BSN: variants seen among roughly 807,000 people sequenced by gnomAD.
BSN encodes protein bassoon.
BSN carries 57 observed loss-of-function variants against 264.8 expected under a neutral mutation model. That is an observed-to-expected ratio of 0.22 (90% CI 0.17 to 0.27). The LOEUF (loss-of-function observed/expected upper bound fraction) is 0.27. Among genes scored for constraint, BSN ranks in the 10% least tolerant of loss-of-function variants. The pLI is 1.00. For synonymous variants in BSN, 2,059 were observed against 2,137.3 expected, an observed-to-expected ratio of 0.96 and a Z score of 1.01; for missense variants, 4,615 against 5,232.5, an observed-to-expected ratio of 0.88 and a Z score of 3.64.
chr3:49,617,283 T>TTATATATATATATATATA (rs6147817), intron 1 of BSN, among the ~76,000 whole-genome samples: 39 of 122,030 alleles, frequency 3.2e-4, no homozygotes, highest in Non-Finnish European at 4.9e-4. Flanking sequence ...ATAAAATACA[T>TTATATATATATATATATA]TATATATATA....
intron 1 of BSN, among the ~76,000 whole-genome samples, chr3:49,613,303 C>CGAGAGCGAGAGCGAGAGAGAGA (rs2052223682): frequency 2.1e-5 from 1 of 47,332 alleles, no homozygotes; most frequent in Non-Finnish European, 4.0e-5. Flanking sequence ...ACACACAGAG[C>CGAGAGCGAGAGCGAGAGAGAGA]GAGAGAGAGA....
At chr3:49,610,360 A>G (rs1380518512) in intron 1 of BSN, among the ~76,000 whole-genome samples, 1 of 152,100 alleles carries the variant, frequency 6.6e-6, no homozygotes, top group Non-Finnish European at 1.5e-5. Flanking sequence ...AGGCGGGTGG[A>G]TCACCTGAGA....
chr3:49,588,399 C>T (rs1207590628), intron 1 of BSN, among the ~76,000 whole-genome samples: 1 of 152,146 alleles, frequency 6.6e-6, no homozygotes, highest in African/African-American at 2.4e-5. Context: ...CAGTATGACA[C>T]TAGCTGTAGG....
Position 49,655,546 on chromosome 3 carries a change from A to G in BSN, c.5990A>G (p.His1997Arg). 1 of 1,613,056 alleles carries G rather than the reference A, an allele frequency of 6.2e-7. No individual in the cohort carries two copies. Among genetic ancestry groups the G allele is most frequent in the South Asian group, 1.1e-5 (1 of 91,064 alleles). ...TTGGCTGAGGCTGGCCTCAACTACC[A>G]TGCCCAGAGGATCGGGCAGCTCTTC... ...TNLAEAGLNY[H>R]AQRIGQLFQG... The change falls in exon 5 of 12, where the codon CAT (histidine) becomes CGT (arginine). Residue 1997 changes from histidine to arginine, a missense_variant. Around this residue, in one of 3 missense-constraint regions of BSN, gnomAD observed 3,415 missense variants for 3,866.4 expected, o/e 0.88. Transcript: ENST00000296452.
chr3:49,651,171 C>A lies in BSN; in HGVS notation c.1986+92C>A. 1 of 1,299,478 alleles carries A rather than the reference C, an allele frequency of 7.7e-7. No individual in the cohort carries two copies. The highest frequency in any genetic ancestry group is 1.0e-6 in the Non-Finnish European group (1 of 962,140). The allele number at this position is 1,299,478 out of a possible 1,614,324, so 80.5% of individuals were successfully genotyped here. A position where few individuals can be genotyped will look rare whatever the true frequency, so the allele number is the denominator to read the frequency against. ...CCCTGGGTGGCTGAGGCTGTAGGCTCAGGACAGGTGCCTTGGGGCCACACA... is the reference window on the plus strand; with the variant it reads ...CCCTGGGTGGCTGAGGCTGTAGGCTAAGGACAGGTGCCTTGGGGCCACACA... On this transcript the variant is annotated intron_variant, in intron 4 of 11. Coordinates refer to ENST00000296452, the MANE Select transcript of BSN (RefSeq NM_003458.4). The surrounding 1 kb of genome is among the most constrained non-coding windows in gnomAD (Gnocchi z 5.4).
At chr3:49,659,123 C>T (rs1002093350) in intron 5 of BSN, among the ~76,000 whole-genome samples, 2 of 152,132 alleles carry the variant, frequency 1.3e-5, no homozygotes, top group Non-Finnish European at 2.9e-5. Context: ...TGCCCATTTT[C>T]AGGGTGTGAC....
chr3:49,588,035 C>T (rs1468202854), intron 1 of BSN, among the ~76,000 whole-genome samples: 1 of 151,756 alleles, frequency 6.6e-6, no homozygotes, highest in Non-Finnish European at 1.5e-5. Flanking sequence ...GATTCTTCTG[C>T]CTCAGCCTCC....
rs918717793 is a variant in BSN, at chr3:49,667,695, A to G, written c.*210A>G. ...TTTTCTCACAGCAGCTGCCTGGGTG[A>G]AGCATCTGCTGGACAAGTCGGACCA... On this transcript the variant is annotated 3_prime_UTR_variant, in exon 12 of 12. Transcript: ENST00000296452. 1 of 152,638 alleles carries G rather than the reference A, an allele frequency of 6.6e-6. No individual in the cohort carries two copies. The highest frequency in any genetic ancestry group is 1.5e-5 in the Non-Finnish European group (1 of 68,058). 9.5% of individuals were successfully genotyped at this position (152,638 alleles called of 1,614,324 possible).
rs765036112 is a variant in BSN at position 49,655,308 on chromosome 3, C to T, written c.5752C>T (p.His1918Tyr). ...PFGSSCTGTF[H>Y]PAPSVPEKSM... ...TGGCAGCAGCTGCACTGGCACCTTC[C>T]ACCCGGCCCCCAGTGTGCCTGAGAA... Residue 1918 changes from histidine to tyrosine, a missense_variant, in exon 5 of 12, where the codon CAC becomes TAC. Coordinates refer to ENST00000296452, the MANE Select transcript of BSN (RefSeq NM_003458.4). 4.4e-5 allele frequency: 71 copies of T among 1,611,376 alleles called. No individual in the cohort carries two copies. The highest frequency in any genetic ancestry group is 5.9e-5 in the Non-Finnish European group (70 of 1,179,184).
At chr3:49,607,571 C>T in intron 1 of BSN, among the ~76,000 whole-genome samples, 1 of 152,312 alleles carries the variant, frequency 6.6e-6, no homozygotes, top group African/African-American at 2.4e-5. Context: ...CGTGTGAGCA[C>T]ACACTACACA....
intron 2 of BSN, among the ~76,000 whole-genome samples, chr3:49,635,986 A>T (rs2052417349): frequency 2.0e-5 from 3 of 152,152 alleles, no homozygotes; most frequent in Middle Eastern, 3.4e-3. Context: ...AAAAAAAAAA[A>T]GTACATCGCT....
chr3:49,657,770 T>G lies in BSN; in HGVS notation c.8214T>G (p.Thr2738=). The G allele has an allele frequency of 6.4e-7, 1 of 1,554,628 alleles. No homozygotes were observed. The highest frequency in any genetic ancestry group is 8.7e-7 in the Non-Finnish European group (1 of 1,148,500). Residue 2738 remains threonine (T), a synonymous_variant, in exon 5 of 12, where the codon ACT becomes ACG. Coordinates refer to ENST00000296452, the MANE Select transcript of BSN (RefSeq NM_003458.4). ...CCGGGCCGCAGCTTGTAGGGCCAAC[T>G]GCCATCAGCCCCTACCTGCCTGGCA... ...GVAGPQLVGP[T]AISPYLPGIQ... is the part of the protein sequence containing the mutation.
At position 49,655,450 on chromosome 3, in the gene BSN, C is replaced by T; in HGVS notation, c.5894C>T (p.Pro1965Leu). 1 of 1,574,264 alleles carries T rather than the reference C, an allele frequency of 6.4e-7. No individual in the cohort carries two copies. Among genetic ancestry groups the T allele is most frequent in the South Asian group, 1.2e-5 (1 of 84,568 alleles). The change falls in exon 5 of 12, where the codon CCC becomes CTC. Residue 1965 changes from proline (P) to leucine (L), a missense_variant. Around this residue, in one of 3 missense-constraint regions of BSN, gnomAD observed 3,415 missense variants for 3,866.4 expected, o/e 0.88. Transcript: ENST00000296452. ...YRAQGVVGPG[P>L]HEEQRPYPQG... ...GCACAGGGGGTGGTGGGGCCTGGGC[C>T]CCATGAGGAGCAGAGGCCCTACCCA... is the stretch of plus-strand genomic sequence containing the variant.
intron 1 of BSN, among the ~76,000 whole-genome samples, chr3:49,617,613 C>T (rs1245569417): frequency 6.6e-6 from 1 of 152,132 alleles, no homozygotes; most frequent in Non-Finnish European, 1.5e-5. Flanking sequence ...TCTTTTTCCT[C>T]ATTCCCTTCT....
At chr3:49,575,426 A>ATATATATGTAAATATATATGTGTG (rs2051836638) in intron 1 of BSN, among the ~76,000 whole-genome samples, 2 of 147,294 alleles carry the variant, frequency 1.4e-5, no homozygotes, top group African/African-American at 4.9e-5. Flanking sequence ...ATATATGTGT[A>ATATATATGTAAATATATATGTGTG]TATATATGTA....
intron 1 of BSN, among the ~76,000 whole-genome samples, chr3:49,555,625 G>C (rs899906194): frequency 2.0e-5 from 3 of 152,184 alleles, no homozygotes; most frequent in Non-Finnish European, 4.4e-5. Flanking sequence ...TGCCAACCCA[G>C]GTCCTGCAAA....
At position 49,625,712 on chromosome 3, in the gene BSN, T is replaced by G. The variant is rs551824931; in HGVS notation, c.633+329T>G. Among the ~76,000 whole-genome samples, 1 of 152,324 alleles carries G rather than the reference T, an allele frequency of 6.6e-6. No individual in the cohort carries two copies. The highest frequency in any genetic ancestry group is 1.5e-5 in the Non-Finnish European group (1 of 68,030). ...CAATCTTATGAACAATTTTTCCCAA[T>G]GGAACTCATTTGGAGTGGGCCATGA... On this transcript the variant is annotated intron_variant, in intron 2 of 11. Transcript: ENST00000296452. This position sits in a 1 kb window ranked among gnomAD's most constrained non-coding sequence, Gnocchi z 4.4.
At chr3:49,593,778 T>G (rs2051998000) in intron 1 of BSN, among the ~76,000 whole-genome samples, 3 of 146,152 alleles carry the variant, frequency 2.1e-5, no homozygotes, top group Non-Finnish European at 4.5e-5. Context: ...TAGATACTAG[T>G]TTTTTTTTTG....
At chr3:49,632,057 C>T (rs183783511) in intron 2 of BSN, among the ~76,000 whole-genome samples, 3 of 152,208 alleles carry the variant, frequency 2.0e-5, no homozygotes, top group Non-Finnish European at 2.9e-5. Flanking sequence ...ATAAGAGTGC[C>T]AAGACCATTC....
Sources: allele counts gnomAD v4.1 joint callset (sites outside exome capture counted in the v4.1 genomes callset), GRCh38; gene constraint gnomAD v4.1.1; regional missense constraint gnomAD v4.1.1; non-coding constraint Gnocchi (gnomAD v3.1); transcripts MANE v1.5; gene names NCBI Gene and HGNC (gene_info 2026-07-23, HGNC 2026-07-21).